Variants in DENND4C observed in about 807,000 individuals in gnomAD.
DENND4C encodes the protein DENN domain containing 4C, also known as DENN domain-containing protein 4C.
In DENND4C, 108 loss-of-function variants were observed where a neutral mutation model predicts 203.0. The observed-to-expected ratio is 0.53, with a 90% CI of 0.46 to 0.62. DENND4C has a LOEUF of 0.62. DENND4C is among the 20% of genes least tolerant of loss of function. The pLI, the probability that DENND4C is intolerant of heterozygous loss-of-function variation, is 0.00. For missense variants in DENND4C, 2,481 were observed against 2,301.2 expected, an observed-to-expected ratio of 1.08 and a Z score of -1.60; for synonymous variants, 871 against 792.4, an observed-to-expected ratio of 1.10 and a Z score of -1.67.
Position 19,265,309 on chromosome 9 carries a change from G to A in DENND4C, c.-17-10849G>A, listed in dbSNP as rs907156070. ...TGGGATTACAGGTGTAAGCCACTGT[G>A]CTCGGCCAATTTTTTAAATTTTCCT... On this transcript the variant is annotated intron_variant, in intron 1 of 32. Transcript: ENST00000434457. 1.4e-4 allele frequency among the ~76,000 whole-genome samples: 21 copies of A among 152,218 alleles called. 2 individuals carry two copies. The highest frequency in any genetic ancestry group is 3.9e-4 in the Admixed American group (6 of 15,268).
chr9:19,368,150 G>A lies in DENND4C; in HGVS notation c.5525-1687G>A, dbSNP rs137991856. 2.3e-3 allele frequency among the ~76,000 whole-genome samples: 353 copies of A among 152,144 alleles called. 1 individual carries two copies. Among genetic ancestry groups the A allele is most frequent in the Non-Finnish European group, 3.5e-3 (239 of 67,998 alleles). ...TCAATAATTGTGAAATTATAGCATAGTGTGAAGATTAACACTATTCAAAGT... is the reference window on the plus strand; with the variant it reads ...TCAATAATTGTGAAATTATAGCATAATGTGAAGATTAACACTATTCAAAGT... On this transcript the variant is annotated intron_variant, in intron 30 of 32. Transcript: ENST00000434457.
intron 12 of DENND4C, 54 bp from the exon 13 acceptor site, chr9:19,324,308 T>C (rs776580130): frequency 1.7e-5 from 24 of 1,372,230 alleles, no homozygotes; most frequent in African/African-American, 2.9e-5. Context: ...ATGTTTCCTA[T>C]AATATCGAAT....
At chr9:19,231,770 C>T (rs541568043) in intron 1 of DENND4C, among the ~76,000 whole-genome samples, 3 of 151,928 alleles carry the variant, frequency 2.0e-5, no homozygotes, top group African/African-American at 7.2e-5. Context: ...CTCTTTGTGC[C>T]TCCGAGATAC....
At chr9:19,277,639 A>G (rs1833149649) in intron 2 of DENND4C, among the ~76,000 whole-genome samples, 1 of 150,410 alleles carries the variant, frequency 6.6e-6, no homozygotes, top group Non-Finnish European at 1.5e-5. Flanking sequence ...TGCAGTTTGG[A>G]TGCTTTGTGT....
intron 10 of DENND4C, among the ~76,000 whole-genome samples, chr9:19,312,754 A>G (rs1355473901): frequency 3.3e-5 from 5 of 152,212 alleles, no homozygotes; most frequent in Non-Finnish European, 7.3e-5. Context: ...GGGACACTCA[A>G]GTTCAAAATG....
chr9:19,301,696 T>C (rs1262972305), intron 9 of DENND4C, among the ~76,000 whole-genome samples: 1 of 152,168 alleles, frequency 6.6e-6, no homozygotes, highest in Non-Finnish European at 1.5e-5. Flanking sequence ...CCCAGCACTT[T>C]GGGAGGCCAA....
At chr9:19,252,270 T>C (rs748999108) in intron 1 of DENND4C, among the ~76,000 whole-genome samples, 17 of 152,296 alleles carry the variant, frequency 1.1e-4, no homozygotes, top group South Asian at 8.3e-4. Context: ...GTGAGACTTA[T>C]TCACTTCCAT....
At chr9:19,282,739 C>G (rs997129427) in intron 2 of DENND4C, among the ~76,000 whole-genome samples, 1 of 27,954 alleles carries the variant, frequency 3.6e-5, no homozygotes, top group Non-Finnish European at 8.1e-5. Flanking sequence ...TTTTTTGAGA[C>G]AGAGTCTCAC....
At chr9:19,247,975 T>C (rs553575816) in intron 1 of DENND4C, among the ~76,000 whole-genome samples, 28 of 152,192 alleles carry the variant, frequency 1.8e-4, no homozygotes, top group Non-Finnish European at 3.5e-4. Flanking sequence ...TGCCCTAATA[T>C]AAGCCATTTT....
intron 12 of DENND4C, among the ~76,000 whole-genome samples, chr9:19,320,202 CTT>C (rs969192536): frequency 4.1e-5 from 6 of 145,542 alleles, no homozygotes; most frequent in Non-Finnish European, 4.6e-5. Flanking sequence ...TCACAAACAT[CTT>C]TTTTTTTTTT....
intron 1 of DENND4C, among the ~76,000 whole-genome samples, chr9:19,275,329 G>A (rs1436684683): frequency 8.2e-6 from 1 of 122,154 alleles, no homozygotes; most frequent in African/African-American, 3.2e-5. Flanking sequence ...GTCTCACTCT[G>A]TCTTCCAGGC....
At chr9:19,297,390 A>G (rs577243092) in intron 6 of DENND4C, among the ~76,000 whole-genome samples, 5 of 152,304 alleles carry the variant, frequency 3.3e-5, no homozygotes, top group Non-Finnish European at 7.4e-5. Flanking sequence ...TACTCTTGAA[A>G]TGGCAGTTTA....
At chr9:19,300,384 C>T (rs1242310119) in intron 9 of DENND4C, 53 bp downstream of exon 9, 8 of 1,389,334 alleles carry the variant, frequency 5.8e-6, no homozygotes, top group Non-Finnish European at 7.6e-6. Flanking sequence ...ATTTTTACTC[C>T]AAAGGGAAAT....
chr9:19,325,890 A>C, intron 13 of DENND4C, 49 bp from the exon 14 acceptor site: 1 of 1,542,560 alleles, frequency 6.5e-7, no homozygotes. Context: ...AATGTCTATT[A>C]AATTCATAGT....
chr9:19,303,130 G>A (rs72700403), intron 9 of DENND4C, among the ~76,000 whole-genome samples: 80 of 151,820 alleles, frequency 5.3e-4, no homozygotes, highest in South Asian at 8.3e-4. Flanking sequence ...AATACATGCT[G>A]GTTGAACATC....
At position 19,373,563 on chromosome 9, in the gene DENND4C, G is replaced by C. The variant is rs550486832; in HGVS notation, c.*1390G>C. The C allele has an allele frequency of 6.6e-6, 1 of 152,596 alleles. No individual in the cohort carries two copies. Among genetic ancestry groups the C allele is most frequent in the South Asian group, 2.1e-4 (1 of 4,824 alleles). 9.5% of individuals were successfully genotyped at this position (152,596 alleles called of 1,614,324 possible). A position where few individuals can be genotyped will look rare whatever the true frequency, so the allele number is the denominator to read the frequency against. ...TTTGTAAATACTGTGTTTTTAGGTT[G>C]AATCAATTAAGTCTTAAAACTGTAA... On this transcript the variant is annotated 3_prime_UTR_variant, in exon 33 of 33. Transcript: ENST00000434457.
chr9:19,340,966 A>G (rs578069497), intron 20 of DENND4C, 26 bp from the exon 21 acceptor site: 4 of 1,565,878 alleles, frequency 2.6e-6, no homozygotes, highest in Non-Finnish European at 2.6e-6. Context: ...AAACATTTAT[A>G]TGTAAGTCTG....
chr9:19,279,996 G>A (rs772029152), intron 2 of DENND4C, among the ~76,000 whole-genome samples: 1 of 144,606 alleles, frequency 6.9e-6, no homozygotes, highest in Non-Finnish European at 1.5e-5. Flanking sequence ...AGTGGAGAAG[G>A]AAGGGTAGGA....
At chr9:19,287,194 T>C (rs1185811836) in intron 3 of DENND4C, among the ~76,000 whole-genome samples, 173 bp downstream of exon 3, 3 of 152,230 alleles carry the variant, frequency 2.0e-5, no homozygotes, top group Admixed American at 6.5e-5. Context: ...TCCCATGATT[T>C]ATAATAATTT....
Sources: allele counts gnomAD v4.1 joint callset (sites outside exome capture counted in the v4.1 genomes callset), GRCh38; gene constraint gnomAD v4.1.1; transcripts MANE v1.5; gene names NCBI Gene and HGNC (gene_info 2026-07-23, HGNC 2026-07-21).